Variants in LURAP1L observed in about 807,000 individuals in gnomAD.
The protein encoded by LURAP1L is leucine rich adaptor protein 1-like.
LURAP1L carries 12 observed loss-of-function variants against 13.8 expected under a neutral mutation model. The ratio of observed to expected loss-of-function variants is 0.87; its 90% CI spans 0.56 to 1.41. LURAP1L has a LOEUF of 1.41. LURAP1L is among the 40% of genes most tolerant of loss of function. The pLI is 0.00. For synonymous variants in LURAP1L, 139 were observed against 119.2 expected (o/e 1.17, Z -1.08); for missense variants, 375 against 292.9 (o/e 1.28, Z -2.04).
intron 1 of LURAP1L, chr9:12,777,168 A>C: frequency 1.2e-6 from 1 of 814,012 alleles, no homozygotes; most frequent in Non-Finnish European, 1.5e-6. Flanking sequence ...GTTATTATAG[A>C]GTTCTATCAT....
At chr9:12,780,623 A>G (rs553764921) in intron 1 of LURAP1L, among the ~76,000 whole-genome samples, 4 of 152,236 alleles carry the variant, frequency 2.6e-5, no homozygotes, top group East Asian at 3.9e-4. Flanking sequence ...CCCAAACTAT[A>G]CTATATACTA....
At chr9:12,787,471 G>A (rs1819373675) in intron 1 of LURAP1L, among the ~76,000 whole-genome samples, 1 of 151,886 alleles carries the variant, frequency 6.6e-6, no homozygotes, top group South Asian at 2.1e-4. Flanking sequence ...AGCTGATGAG[G>A]CAAAAAGACA....
rs1036302609 is a variant in LURAP1L at position 12,775,446 on chromosome 9, C to T, written c.-270C>T. On this transcript the variant is annotated 5_prime_UTR_variant, in exon 1 of 2. Coordinates refer to ENST00000319264, the MANE Select transcript of LURAP1L (RefSeq NM_203403.2). Reference sequence around the variant, plus strand: ...TGAACTCAACTTTGCAGTGAGGTGGCCAAAAAGAGAGAGAATGAGGAGATC... The same window carrying T: ...TGAACTCAACTTTGCAGTGAGGTGGTCAAAAAGAGAGAGAATGAGGAGATC... The T allele has an allele frequency of 2.4e-6, 1 of 415,136 alleles. No homozygotes were observed. The highest frequency in any genetic ancestry group is 4.2e-6 in the Non-Finnish European group (1 of 239,768). 25.7% of individuals were successfully genotyped at this position (415,136 alleles called of 1,614,324 possible). A position where few individuals can be genotyped will look rare whatever the true frequency, so the allele number is the denominator to read the frequency against.
intron 1 of LURAP1L, 123 bp downstream of exon 1, chr9:12,776,150 GA>G (rs1187713195): frequency 2.0e-6 from 2 of 995,880 alleles, no homozygotes; most frequent in African/African-American, 3.3e-5. Flanking sequence ...GGGCGCGTGG[GA>G]AATGCTGGGT....
chr9:12,820,499 T>TCTCC (rs1819859880), intron 1 of LURAP1L, among the ~76,000 whole-genome samples: 2 of 14,696 alleles, frequency 1.4e-4, no homozygotes, highest in Non-Finnish European at 1.8e-4. Context: ...CGAGACTCCG[T>TCTCC]CCCCCCCCCC....
chr9:12,817,993 T>A (rs1056930401), intron 1 of LURAP1L, among the ~76,000 whole-genome samples: 2 of 151,910 alleles, frequency 1.3e-5, no homozygotes, highest in Non-Finnish European at 2.9e-5. Flanking sequence ...CTGTTTACTC[T>A]CTCCCGGGAG....
In LURAP1L at chr9:12,775,859, T is replaced by TGGC. The variant is rs762724934; in HGVS notation, c.146_147insCGG (p.Gly55dup). The stretch of plus-strand genomic sequence containing the variant: ...GGGACCCCTGCGGGGGGAGCGGTGG[T>TGGC]GGTGGCGGCGGCGGCGGCGGCTGCA... On this transcript the variant is annotated inframe_insertion, in exon 1 of 2. Transcript: ENST00000319264. 102 of 819,552 alleles carry TGGC rather than the reference T, an allele frequency of 1.2e-4. 1 individual carries two copies. Among genetic ancestry groups the TGGC allele is most frequent in the Non-Finnish European group, 1.2e-4 (64 of 555,826 alleles). 50.8% of individuals were successfully genotyped at this position (819,552 alleles called of 1,614,324 possible).
At chr9:12,781,172 C>T (rs948878243) in intron 1 of LURAP1L, among the ~76,000 whole-genome samples, 2 of 151,954 alleles carry the variant, frequency 1.3e-5, no homozygotes, top group Non-Finnish European at 2.9e-5. Context: ...GGTTTCTCCA[C>T]GTTGGTCAGG....
At chr9:12,818,315 T>C (rs1819830444) in intron 1 of LURAP1L, among the ~76,000 whole-genome samples, 1 of 152,170 alleles carries the variant, frequency 6.6e-6, no homozygotes, top group Non-Finnish European at 1.5e-5. Flanking sequence ...ATTCTAAGTA[T>C]GTTTTAACCC....
At position 12,775,976 on chromosome 9, in the gene LURAP1L, T is replaced by C. The variant is rs757496573; in HGVS notation, c.261T>C (p.Ser87=). 1.7e-5 allele frequency: 27 copies of C among 1,605,220 alleles called. No individual in the cohort carries two copies. The East Asian group carries it at 2.7e-4, about 16-fold the overall frequency. The stretch of plus-strand genomic sequence containing the variant: ...CTGGCTCCCCACGAGGTAGCCACTC[T>C]AGCGCCCTGGAGAGGCTAGAAACCA... ...PTSGSPRGSH[S]SALERLETKL... Residue 87 remains serine, a synonymous_variant, in exon 1 of 2, where the codon TCT becomes TCC. Transcript: ENST00000319264.
At chr9:12,783,519 T>C (rs1027524369) in intron 1 of LURAP1L, among the ~76,000 whole-genome samples, 2 of 152,354 alleles carry the variant, frequency 1.3e-5, no homozygotes, top group East Asian at 1.9e-4. Context: ...GATTTGCATA[T>C]GTTGAACAGT....
intron 1 of LURAP1L, 24 bp downstream of exon 1, chr9:12,776,051 G>A (rs1358717907): frequency 2.5e-6 from 4 of 1,611,596 alleles, no homozygotes; most frequent in Non-Finnish European, 1.7e-6. Context: ...GCCAGCCGCG[G>A]GGGCTGGGAC....
intron 1 of LURAP1L, among the ~76,000 whole-genome samples, chr9:12,818,674 A>G (rs888192654): frequency 1.3e-5 from 2 of 152,180 alleles, no homozygotes; most frequent in Admixed American, 1.3e-4. Context: ...TATGACTTGA[A>G]GAATGGGGAG....
At chr9:12,803,422 T>C (rs2118518432) in intron 1 of LURAP1L, among the ~76,000 whole-genome samples, 1 of 152,336 alleles carries the variant, frequency 6.6e-6, no homozygotes, top group East Asian at 1.9e-4. Context: ...AACCAAAGTT[T>C]TAGCTTTCTT....
chr9:12,788,057 A>G (rs973131911), intron 1 of LURAP1L, among the ~76,000 whole-genome samples: 2 of 151,886 alleles, frequency 1.3e-5, no homozygotes, highest in African/African-American at 4.8e-5. Flanking sequence ...GGTTGCAATG[A>G]ACCAACGTGG....
chr9:12,801,676 A>G (rs1008103794), intron 1 of LURAP1L, among the ~76,000 whole-genome samples: 1 of 152,240 alleles, frequency 6.6e-6, no homozygotes. Context: ...TCTGAAAGTC[A>G]TGTGACAAAC....
At chr9:12,781,344 C>G (rs1819267517) in intron 1 of LURAP1L, among the ~76,000 whole-genome samples, 1 of 152,088 alleles carries the variant, frequency 6.6e-6, no homozygotes, top group Non-Finnish European at 1.5e-5. Flanking sequence ...CAAACGTTAG[C>G]TCTTATTACT....
chr9:12,778,749 T>C (rs557542263), intron 1 of LURAP1L, among the ~76,000 whole-genome samples: 1 of 152,352 alleles, frequency 6.6e-6, no homozygotes, highest in Non-Finnish European at 1.5e-5. Context: ...ATTTAACTTT[T>C]ATTAAACACA....
chr9:12,783,352 G>A (rs897119346), intron 1 of LURAP1L, among the ~76,000 whole-genome samples: 2 of 151,822 alleles, frequency 1.3e-5, no homozygotes, highest in Admixed American at 6.6e-5. Context: ...CTGTTTATAT[G>A]GCTTTTATTG....
Sources: allele counts gnomAD v4.1 joint callset (sites outside exome capture counted in the v4.1 genomes callset), GRCh38; gene constraint gnomAD v4.1.1; transcripts MANE v1.5; gene names NCBI Gene and HGNC (gene_info 2026-07-23, HGNC 2026-07-21).